The following C12orf42 variants were observed in gnomAD, a reference collection of about 807,000 sequenced individuals.
C12orf42 encodes chromosome 12 open reading frame 42, also known as uncharacterized protein C12orf42.
In C12orf42, 25 loss-of-function variants were observed where a neutral mutation model predicts 21.6. The ratio of observed to expected loss-of-function variants is 1.16; its 90% CI spans 0.84 to 1.62. The LOEUF (loss-of-function observed/expected upper bound fraction) is 1.62. Ranked by LOEUF, C12orf42 falls within the 40% of genes most tolerant of loss-of-function variation. The pLI, the probability that C12orf42 is intolerant of heterozygous loss-of-function variation, is 0.00. For synonymous variants in C12orf42, 174 were observed against 175.0 expected (o/e 0.99, Z 0.05); for missense variants, 483 against 459.3 (o/e 1.05, Z -0.47).
the C12orf42 span, among the ~76,000 whole-genome samples, chr12:103,552,554 C>T: frequency 6.6e-6 from 1 of 152,130 alleles, no homozygotes; most frequent in Non-Finnish European, 1.5e-5. Flanking sequence ...GGAAATATCT[C>T]TATGGGGATC....
At chr12:103,449,118 G>GATAA (rs1951770234) in intron 2 of C12orf42, among the ~76,000 whole-genome samples, 1 of 151,690 alleles carries the variant, frequency 6.6e-6, no homozygotes, top group Admixed American at 6.6e-5. Flanking sequence ...TAGATAGATA[G>GATAA]ATAGATAGAT....
chr12:103,278,194 C>A (rs867986751), intron 4 of C12orf42, among the ~76,000 whole-genome samples: 1 of 151,988 alleles, frequency 6.6e-6, no homozygotes, highest in South Asian at 2.1e-4. Flanking sequence ...GTGGGAGCAA[C>A]AATGGGGGGG....
At chr12:103,105,198 T>A in the C12orf42 span, among the ~76,000 whole-genome samples, 7 of 152,118 alleles carry the variant, frequency 4.6e-5, no homozygotes, top group Admixed American at 4.6e-4. Flanking sequence ...TGTCAAAAAT[T>A]ACAATCATAT....
intron 2 of C12orf42, among the ~76,000 whole-genome samples, chr12:103,439,584 A>C (rs1424725667): frequency 9.7e-5 from 14 of 143,674 alleles, no homozygotes; most frequent in African/African-American, 2.3e-4. Flanking sequence ...AACCCCATCA[A>C]AAAGTGGGCG....
At chr12:103,206,254 T>C in the C12orf42 span, among the ~76,000 whole-genome samples, 1 of 152,180 alleles carries the variant, frequency 6.6e-6, no homozygotes, top group Non-Finnish European at 1.5e-5. Context: ...CTTCCTCTAC[T>C]CCTCTTGCCT....
chr12:103,307,020 A>T (rs557321248), intron 4 of C12orf42, among the ~76,000 whole-genome samples: 75 of 152,308 alleles, frequency 4.9e-4, no homozygotes, highest in African/African-American at 1.5e-3. Flanking sequence ...GCCACAAGGA[A>T]GATCCTACCC....
the C12orf42 span, among the ~76,000 whole-genome samples, chr12:103,076,711 T>A: frequency 1.3e-5 from 2 of 152,224 alleles, no homozygotes; most frequent in Non-Finnish European, 2.9e-5. Context: ...AACACTTATT[T>A]ATATAATTAA....
chr12:103,267,824 A>T (rs2035246169), downstream of C12orf42: 1 of 152,142 alleles, frequency 6.6e-6, no homozygotes, highest in African/African-American at 2.4e-5. Flanking sequence ...TGGGATGGGA[A>T]ATGGGAACAA....
intron 4 of C12orf42, among the ~76,000 whole-genome samples, chr12:103,294,445 A>AGAAAGAAAGAAG (rs2037045168): frequency 7.9e-6 from 1 of 127,386 alleles, no homozygotes; most frequent in Non-Finnish European, 1.6e-5. Context: ...AAAGAAAGAA[A>AGAAAGAAAGAAG]GAAAGAAAGA....
At chr12:103,090,104 T>C in the C12orf42 span, among the ~76,000 whole-genome samples, 1 of 152,190 alleles carries the variant, frequency 6.6e-6, no homozygotes, top group Admixed American at 6.5e-5. Flanking sequence ...TATCAACAAT[T>C]AAATTTTTCT....
chr12:103,486,034 C>T (rs1485523234), intron 1 of C12orf42, among the ~76,000 whole-genome samples: 1 of 152,224 alleles, frequency 6.6e-6, no homozygotes. Context: ...TGACAGAGAA[C>T]ATCCTTGTCT....
At chr12:103,317,483 T>C (rs1346501851) in intron 4 of C12orf42, among the ~76,000 whole-genome samples, 1 of 152,212 alleles carries the variant, frequency 6.6e-6, no homozygotes, top group African/African-American at 2.4e-5. Context: ...TATTGGAATG[T>C]TTTATTTTTA....
the C12orf42 span, among the ~76,000 whole-genome samples, chr12:103,541,503 T>C: frequency 2.6e-5 from 4 of 152,206 alleles, no homozygotes; most frequent in East Asian, 1.9e-4. Flanking sequence ...GATGCTAATA[T>C]AAACAAACCT....
At chr12:103,282,367 T>C (rs1348414544) in intron 4 of C12orf42, among the ~76,000 whole-genome samples, 1 of 152,244 alleles carries the variant, frequency 6.6e-6, no homozygotes, top group African/African-American at 2.4e-5. Context: ...GCTTATATGA[T>C]GAAGGTCCTC....
chr12:103,063,255 A>G, the C12orf42 span, among the ~76,000 whole-genome samples: 1 of 152,182 alleles, frequency 6.6e-6, no homozygotes, highest in Non-Finnish European at 1.5e-5. Flanking sequence ...TATTGCCCTT[A>G]GTAAGAACCT....
At chr12:103,491,125 G>A (rs1474489174) in intron 1 of C12orf42, among the ~76,000 whole-genome samples, 1 of 152,148 alleles carries the variant, frequency 6.6e-6, no homozygotes, top group Non-Finnish European at 1.5e-5. Context: ...TTAAAGAACT[G>A]ACTCGTAAAA....
At chr12:103,339,996 C>T (rs530709968) in intron 4 of C12orf42, among the ~76,000 whole-genome samples, 1 of 152,112 alleles carries the variant, frequency 6.6e-6, no homozygotes, top group Admixed American at 6.5e-5. Context: ...CACAGTGAAC[C>T]CAGAAAGATG....
At chr12:103,083,619 C>T in the C12orf42 span, among the ~76,000 whole-genome samples, 2 of 152,072 alleles carry the variant, frequency 1.3e-5, no homozygotes, top group South Asian at 2.1e-4. Context: ...TAAAGCATAT[C>T]GCTCTTTAGA....
chr12:103,195,681 T>A, the C12orf42 span, among the ~76,000 whole-genome samples: 1 of 152,042 alleles, frequency 6.6e-6, no homozygotes, highest in Non-Finnish European at 1.5e-5. Flanking sequence ...TTATAGATTC[T>A]ATCAGATTCT....
Sources: gnomAD v4.1 joint callset for allele counts (sites outside exome capture counted in the v4.1 genomes callset) on GRCh38, gnomAD v4.1.1 for gene constraint, MANE v1.5 for transcripts, NCBI Gene and HGNC (gene_info 2026-07-23, HGNC 2026-07-21) for gene names.